The following FSTL4 variants were observed in gnomAD, a reference collection of about 807,000 sequenced individuals.
FSTL4 encodes the protein follistatin like 4.
Under a neutral mutation model 78.2 loss-of-function variants are expected in FSTL4, and 28 were observed. The observed-to-expected ratio is 0.36, with a 90% CI of 0.27 to 0.49. FSTL4 has a LOEUF of 0.49. Ranked by LOEUF, FSTL4 falls within the 20% of genes least tolerant of loss-of-function variation. FSTL4 has a pLI of 0.98. For synonymous variants in FSTL4, 422 were observed against 440.5 expected, an observed-to-expected ratio of 0.96 and a Z score of 0.53; for missense variants, 922 against 1,084.9, an observed-to-expected ratio of 0.85 and a Z score of 2.11.
At chr5:133,203,317 T>G (rs1347616742) in intron 14 of FSTL4, among the ~76,000 whole-genome samples, 1 of 152,232 alleles carries the variant, frequency 6.6e-6, no homozygotes, top group Non-Finnish European at 1.5e-5. Context: ...GAGAGCTGAC[T>G]CTGGTGGGGG....
intron 3 of FSTL4, among the ~76,000 whole-genome samples, chr5:133,415,343 C>A (rs1311288165): frequency 6.6e-6 from 1 of 152,190 alleles, no homozygotes; most frequent in Non-Finnish European, 1.5e-5. Flanking sequence ...AAAGCTTGGA[C>A]AAAAGTCATT....
chr5:133,596,219 G>C (rs1031967420), intron 2 of FSTL4, among the ~76,000 whole-genome samples: 5 of 151,584 alleles, frequency 3.3e-5, no homozygotes, highest in Non-Finnish European at 7.4e-5. Context: ...CTGAGCAGGG[G>C]AAGAGACGTC....
intron 3 of FSTL4, among the ~76,000 whole-genome samples, chr5:133,512,945 G>A (rs1758767041): frequency 6.6e-6 from 1 of 152,156 alleles, no homozygotes; most frequent in Admixed American, 6.5e-5. Context: ...AGCCTCTTGA[G>A]TAGCTGGGAC....
chr5:133,232,228 G>A (rs967250245), intron 8 of FSTL4, among the ~76,000 whole-genome samples: 4 of 152,222 alleles, frequency 2.6e-5, no homozygotes, highest in African/African-American at 9.7e-5. Context: ...AATAATTTGA[G>A]AGAGGAAGTA....
At chr5:133,602,351 G>A (rs1760888377) in intron 2 of FSTL4, among the ~76,000 whole-genome samples, 1 of 152,148 alleles carries the variant, frequency 6.6e-6, no homozygotes, top group Non-Finnish European at 1.5e-5. Flanking sequence ...GAATTAGGGT[G>A]TTAACAGCTA....
At chr5:133,290,038 C>T (rs765495065) in intron 6 of FSTL4, among the ~76,000 whole-genome samples, 10 of 152,234 alleles carry the variant, frequency 6.6e-5, no homozygotes, top group South Asian at 2.1e-4. Flanking sequence ...TCTCCATCCC[C>T]GAGAGAGTGG....
At chr5:133,548,742 G>A (rs1238516235) in intron 3 of FSTL4, among the ~76,000 whole-genome samples, 1 of 151,962 alleles carries the variant, frequency 6.6e-6, no homozygotes, top group Non-Finnish European at 1.5e-5. Context: ...ATATTATATT[G>A]AATTTTAAGA....
chr5:133,697,996 C>A, the FSTL4 span, among the ~76,000 whole-genome samples: 1 of 152,186 alleles, frequency 6.6e-6, no homozygotes, highest in Non-Finnish European at 1.5e-5. Context: ...TACTTGGGTT[C>A]TAGCATTTTC....
intron 8 of FSTL4, among the ~76,000 whole-genome samples, chr5:133,229,301 CG>C (rs1019538473): frequency 2.6e-5 from 4 of 152,046 alleles, no homozygotes; most frequent in Admixed American, 2.6e-4. Context: ...GTGGGCGGAT[CG>C]CTCGAGTCCA....
chr5:133,270,029 C>T lies in FSTL4; in HGVS notation c.728-20453G>A, dbSNP rs563775002. On this transcript the variant is annotated intron_variant, in intron 6 of 15. Transcript: ENST00000265342. ...TGGTAGCCCCTAACTCAATAAAGTACGTGTGCCTAACATGGCCCTTCCTGC... is the reference window on the plus strand; with the variant it reads ...TGGTAGCCCCTAACTCAATAAAGTATGTGTGCCTAACATGGCCCTTCCTGC... The T allele has an allele frequency of 1.3e-3, 203 of 152,300 alleles. 1 individual carries two copies. The highest frequency in any genetic ancestry group is 3.9e-3 in the African/African-American group (163 of 41,558). The allele number at this position is 152,300 out of a possible 1,614,324, so 9.4% of individuals were successfully genotyped here.
At chr5:133,694,568 TAC>T in the FSTL4 span, among the ~76,000 whole-genome samples, 1 of 152,364 alleles carries the variant, frequency 6.6e-6, no homozygotes, top group East Asian at 1.9e-4. Flanking sequence ...TGCTCCCACA[TAC>T]ACACATAAGC....
At chr5:133,655,512 T>C in the FSTL4 span, among the ~76,000 whole-genome samples, 1 of 152,228 alleles carries the variant, frequency 6.6e-6, no homozygotes, top group Non-Finnish European at 1.5e-5. Context: ...TGGTGTTCAT[T>C]AAGAGTCATT....
At chr5:133,749,743 C>T in the FSTL4 span, among the ~76,000 whole-genome samples, 1 of 152,194 alleles carries the variant, frequency 6.6e-6, no homozygotes, top group Non-Finnish European at 1.5e-5. Flanking sequence ...CAGTCAAGCT[C>T]TTCCCTCCCA....
At chr5:133,233,613 T>C in intron 7 of FSTL4, 76 bp from the exon 8 acceptor site, 6 of 1,553,588 alleles carry the variant, frequency 3.9e-6, no homozygotes, top group Non-Finnish European at 5.3e-6. Context: ...CTCCTGGTTT[T>C]CCAGAAATCC....
the FSTL4 span, among the ~76,000 whole-genome samples, chr5:133,709,005 A>G: frequency 1.3e-5 from 2 of 152,218 alleles, no homozygotes; most frequent in African/African-American, 2.4e-5. Flanking sequence ...ATCACCTATT[A>G]TGACTGATTA....
chr5:133,790,373 T>C, the FSTL4 span, among the ~76,000 whole-genome samples: 2 of 152,196 alleles, frequency 1.3e-5, no homozygotes, highest in Non-Finnish European at 2.9e-5. Flanking sequence ...TCTTACTTCA[T>C]TGGTTTGTGG....
chr5:133,562,428 C>T (rs2112939253), intron 3 of FSTL4, among the ~76,000 whole-genome samples: 1 of 152,284 alleles, frequency 6.6e-6, no homozygotes, highest in Non-Finnish European at 1.5e-5. Flanking sequence ...GGGACCGATT[C>T]CACGGGTTTT....
At chr5:133,498,260 G>C (rs1758413063) in intron 3 of FSTL4, among the ~76,000 whole-genome samples, 2 of 152,166 alleles carry the variant, frequency 1.3e-5, no homozygotes, top group Admixed American at 1.3e-4. Flanking sequence ...TCTGTCTTCA[G>C]TGAAATAATG....
intron 3 of FSTL4, among the ~76,000 whole-genome samples, chr5:133,564,112 C>T (rs1375383701): frequency 6.6e-6 from 1 of 152,144 alleles, no homozygotes; most frequent in East Asian, 1.9e-4. Context: ...TCTCTGCTTC[C>T]ATCATCACAC....
Sources: gnomAD v4.1 joint callset for allele counts (sites outside exome capture counted in the v4.1 genomes callset) on GRCh38, gnomAD v4.1.1 for gene constraint, MANE v1.5 for transcripts, NCBI Gene and HGNC (gene_info 2026-07-23, HGNC 2026-07-21) for gene names.